POLE: variants seen among roughly 807,000 people sequenced by gnomAD.
POLE encodes DNA polymerase epsilon catalytic subunit A.
In POLE, 188 loss-of-function variants were observed where a neutral mutation model predicts 279.2. That is an observed-to-expected ratio of 0.67 (90% CI 0.60 to 0.76). The LOEUF is 0.76. POLE is among the 30% of genes least tolerant of loss of function. POLE has a pLI of 0.00. For synonymous variants in POLE, 1,214 were observed against 1,172.5 expected (o/e 1.04, Z -0.72); for missense variants, 2,703 against 3,016.7 (o/e 0.90, Z 2.44).
Position 132,634,336 on chromosome 12 carries a change from T to G in POLE, c.5854A>C (p.Asn1952His). ...KAGGAEDEQENEDDEEERDGE... is the reference protein window; with the variant it reads ...KAGGAEDEQEHEDDEEERDGE... ...TCTCTTTCCTCCTCATCGTCCTCAT[T>G]TTCCTGCTCATCCTCTGCTCCCCCT... The change falls in exon 43 of 49, where the codon AAT becomes CAT. Residue 1952 changes from asparagine (N) to histidine (H), a missense_variant. Coordinates refer to ENST00000320574, the MANE Select transcript of POLE (RefSeq NM_006231.4). This position sits in a 1 kb window ranked among gnomAD's most constrained non-coding sequence, Gnocchi z 4.0. The G allele has an allele frequency of 6.2e-7, 1 of 1,614,058 alleles. No homozygotes were observed. Among genetic ancestry groups the G allele is most frequent in the Non-Finnish European group, 8.5e-7 (1 of 1,179,924 alleles).
At chr12:132,659,256 G>C (rs570022854) in intron 26 of POLE, 39 bp downstream of exon 26, 1 of 1,595,436 alleles carries the variant, frequency 6.3e-7, no homozygotes, top group Non-Finnish European at 8.6e-7. Context: ...TCCGTGATGG[G>C]AGGAGCCCTC....
At chr12:132,632,012 A>C (rs2041942930) in intron 45 of POLE, among the ~76,000 whole-genome samples, 1 of 152,180 alleles carries the variant, frequency 6.6e-6, no homozygotes, top group African/African-American at 2.4e-5. Flanking sequence ...CTGTGGCTGC[A>C]TGTGACAGGG....
rs759414746 is a variant in POLE, at chr12:132,675,790, C to A, written c.1051G>T (p.Val351Phe). The A allele has an allele frequency of 3.1e-6, 5 of 1,614,146 alleles. No homozygotes were observed. In the South Asian group the frequency reaches 4.4e-5, roughly 14 times the overall value. Residue 351 changes from valine to phenylalanine, a missense_variant, in exon 11 of 49, where the codon GTC (valine) becomes TTC (phenylalanine). Physicochemically the swap from Val to Phe is conservative, Grantham distance 50. This residue lies in a region of POLE where 1,011 missense variants were observed against 1,111.7 expected (regional missense o/e 0.91). Transcript: ENST00000320574. The surrounding 1 kb of genome is among the most constrained non-coding windows in gnomAD (Gnocchi z 4.3). ...ATGATGGTGGGTTTGGTCTCCTGGA[C>A]GTGTTCAAACCACCTTTGGATCAGA... ...AHLIQRWFEH[V>F]QETKPTIMVT...
chr12:132,661,907 G>GC lies in POLE; in HGVS notation c.2707-224dup, dbSNP rs1282809353. Among the ~76,000 whole-genome samples the GC allele has an allele frequency of 6.6e-6, 1 of 152,216 alleles. No individual in the cohort carries two copies. Among genetic ancestry groups the GC allele is most frequent in the Non-Finnish European group, 1.5e-5 (1 of 68,038 alleles). Reference sequence around the variant, plus strand: ...AGAAGCCAGACCCAAAATGCTACAGGCCGTATGCTTCCCTTTACATGACAT... The same window carrying GC: ...AGAAGCCAGACCCAAAATGCTACAGGCCCGTATGCTTCCCTTTACATGACAT... On this transcript the variant is annotated intron_variant, in intron 23 of 48. Transcript: ENST00000320574. The surrounding 1 kb of genome is among the most constrained non-coding windows in gnomAD (Gnocchi z 4.1).
chr12:132,626,013 G>T, intron 46 of POLE, 104 bp downstream of exon 46: 3 of 1,207,744 alleles, frequency 2.5e-6, no homozygotes, highest in Non-Finnish European at 3.5e-6. Flanking sequence ...CAGAGGGGCA[G>T]CAGGTGTGAC....
chr12:132,654,749 G>A (rs1322888032), intron 29 of POLE, among the ~76,000 whole-genome samples: 2 of 152,122 alleles, frequency 1.3e-5, no homozygotes, highest in African/African-American at 2.4e-5. Flanking sequence ...CCATGACTGC[G>A]CCACTGTACT....
intron 6 of POLE, among the ~76,000 whole-genome samples, chr12:132,678,276 GAA>G (rs34315839): frequency 4.2e-5 from 6 of 141,738 alleles, no homozygotes; most frequent in Non-Finnish European, 7.7e-5. Context: ...ACCCCAACTA[GAA>G]AAAAAAAAAG....
chr12:132,667,232 G>A (rs915277268), intron 20 of POLE, among the ~76,000 whole-genome samples: 1 of 152,114 alleles, frequency 6.6e-6, no homozygotes, highest in Non-Finnish European at 1.5e-5. Context: ...GTACTCAAAC[G>A]GCCAGCCAGC....
chr12:132,625,637 C>A lies in POLE; in HGVS notation c.6657+8G>T, dbSNP rs777791883. 6.2e-7 allele frequency: 1 copy of A among 1,612,970 alleles called. No homozygotes were observed. The highest frequency in any genetic ancestry group is 1.3e-5 in the African/African-American group (1 of 75,064). On this transcript the variant is annotated splice_region_variant and intron_variant, in intron 47 of 48. Coordinates refer to ENST00000320574, the MANE Select transcript of POLE (RefSeq NM_006231.4). ...AGGGCACACGGGCAGGCGGCATGCA[C>A]GACTCACCAGGTCCTGCAGGGTGAA... is the stretch of plus-strand genomic sequence containing the variant.
rs117717413 is a variant in POLE, at chr12:132,625,851, G to C, written c.6532-81C>G. The C allele has an allele frequency of 8.7e-4, 1,352 of 1,547,204 alleles. 2 individuals are homozygous for C. The highest frequency in any genetic ancestry group is 1.1e-3 in the Non-Finnish European group (1,262 of 1,148,764). On this transcript the variant is annotated intron_variant, in intron 46 of 48. Coordinates refer to ENST00000320574, the MANE Select transcript of POLE (RefSeq NM_006231.4). Reference sequence around the variant, plus strand: ...ATGGGCAGGATCTCAGGAGAGGAAGGGGCTGTGAGAAGCGCCTGGTGACGG... The same window carrying C: ...ATGGGCAGGATCTCAGGAGAGGAAGCGGCTGTGAGAAGCGCCTGGTGACGG...
At chr12:132,682,101 C>G (rs1260456302) in intron 1 of POLE, among the ~76,000 whole-genome samples, 1 of 152,018 alleles carries the variant, frequency 6.6e-6, no homozygotes, top group East Asian at 1.9e-4. Context: ...CTAGACCATC[C>G]TGCTAATACA....
Position 132,661,792 on chromosome 12 carries a change from C to G in POLE, c.2707-108G>C. 3 of 1,113,726 alleles carry G rather than the reference C, an allele frequency of 2.7e-6. No homozygotes were observed. 69.0% of individuals were successfully genotyped at this position (1,113,726 alleles called of 1,614,324 possible). A position where few individuals can be genotyped will look rare whatever the true frequency, so the allele number is the denominator to read the frequency against. The stretch of plus-strand genomic sequence containing the variant: ...ATGGATTGACAAACCGAGGCTTTTC[C>G]ACATAACTAACACGACTTGGCAGCA... On this transcript the variant is annotated intron_variant, in intron 23 of 48. Transcript: ENST00000320574. This position sits in a 1 kb window ranked among gnomAD's most constrained non-coding sequence, Gnocchi z 4.1.
intron 38 of POLE, 119 bp from the exon 39 acceptor site, chr12:132,641,970 T>C: frequency 9.9e-7 from 1 of 1,009,034 alleles, no homozygotes; most frequent in Admixed American, 2.0e-5. Context: ...CCCACACCCA[T>C]CCTCACACCT....
rs1034659746 is a variant in POLE, at chr12:132,668,172, G to T, written c.2173+184C>A. ...AGAGCAGCAGTGTCTAACACTTGCAGATGGGGAAGCAAATAAAGGACCCTG... is the reference window on the plus strand; with the variant it reads ...AGAGCAGCAGTGTCTAACACTTGCATATGGGGAAGCAAATAAAGGACCCTG... On this transcript the variant is annotated intron_variant, in intron 19 of 48. Coordinates refer to ENST00000320574, the MANE Select transcript of POLE (RefSeq NM_006231.4). This position sits in a 1 kb window ranked among gnomAD's most constrained non-coding sequence, Gnocchi z 4.0. 2.0e-5 allele frequency among the ~76,000 whole-genome samples: 3 copies of T among 152,168 alleles called. No homozygotes were observed. The highest frequency in any genetic ancestry group is 7.2e-5 in the African/African-American group (3 of 41,444).
chr12:132,686,673 T>C (rs962249808), intron 1 of POLE, among the ~76,000 whole-genome samples: 5 of 151,926 alleles, frequency 3.3e-5, no homozygotes, highest in Non-Finnish European at 7.4e-5. Context: ...AAGCAGAGGT[T>C]GCAGTGAGCC....
Position 132,649,012 on chromosome 12 carries a change from G to C in POLE, c.4066C>G (p.His1356Asp), listed in dbSNP as rs557732922. ...CGGGGGATGCTCAGCCTGATGCAGT[G>C]CAAGTCACTGCCAACGAGCGCCCAC... The part of the protein sequence containing the change: ...RLWALVGSDL[H>D]CIRLSIPRVF... Residue 1356 changes from histidine to aspartate, a missense_variant, in exon 32 of 49, where the codon CAC (histidine) becomes GAC (aspartate). By Grantham distance (81) the His-to-Asp change is moderately conservative (BLOSUM62 -1). Coordinates refer to ENST00000320574, the MANE Select transcript of POLE (RefSeq NM_006231.4). 3.7e-5 allele frequency: 59 copies of C among 1,613,968 alleles called. 2 individuals are homozygous for C. In the South Asian group the frequency reaches 6.5e-4, roughly 18 times the overall value.
intron 40 of POLE, chr12:132,638,599 G>T (rs5744967): frequency 0.015 from 2,511 of 168,268 alleles, 26 homozygotes; most frequent in Non-Finnish European, 0.022. Flanking sequence ...TGTCCACAAG[G>T]GGCCTCTGTG....
intron 23 of POLE, among the ~76,000 whole-genome samples, chr12:132,663,134 T>C (rs2042716030): frequency 6.6e-6 from 1 of 152,222 alleles, no homozygotes; most frequent in Non-Finnish European, 1.5e-5. Context: ...TCGAAGCACC[T>C]GCTCCACGAT....
intron 39 of POLE, chr12:132,640,927 G>A: frequency 4.4e-6 from 2 of 454,140 alleles, no homozygotes; most frequent in South Asian, 1.6e-5. Context: ...CCCAGCTCTG[G>A]CATGCTCCCT....
Sources: gnomAD v4.1 joint callset for allele counts (sites outside exome capture counted in the v4.1 genomes callset) on GRCh38, gnomAD v4.1.1 for gene constraint, gnomAD v4.1.1 regional missense constraint, Gnocchi (gnomAD v3.1) non-coding constraint, MANE v1.5 for transcripts, NCBI Gene and HGNC (gene_info 2026-07-23, HGNC 2026-07-21) for gene names.